The following CELA1 variants were observed in gnomAD, a reference collection of about 807,000 sequenced individuals.
CELA1 encodes chymotrypsin-like elastase family member 1.
In CELA1, 28 loss-of-function variants were observed where a neutral mutation model predicts 34.8. The observed-to-expected ratio is 0.80, with a 90% CI of 0.60 to 1.10. The LOEUF is 1.10. Ranked by LOEUF, CELA1 falls within the 50% of genes least tolerant of loss-of-function variation. The pLI, the probability that CELA1 is intolerant of heterozygous loss-of-function variation, is 0.00. For missense variants in CELA1, 288 were observed against 327.5 expected (o/e 0.88, Z 0.93); for synonymous variants, 140 against 129.8 (o/e 1.08, Z -0.53).
intron 3 of CELA1, among the ~76,000 whole-genome samples, chr12:51,343,440 A>G (rs533993514): frequency 1.3e-5 from 2 of 152,346 alleles, no homozygotes; most frequent in South Asian, 4.1e-4. Context: ...CTAGGCACTT[A>G]CATATTTACT....
chr12:51,338,240 GAA>G (rs1228925679), intron 6 of CELA1, among the ~76,000 whole-genome samples: 2 of 61,884 alleles, frequency 3.2e-5, no homozygotes, highest in South Asian at 4.9e-4. Context: ...TCCATCTCAG[GAA>G]AAAAAAAAAA....
chr12:51,346,194 A>ACC (rs1186931785), intron 1 of CELA1, among the ~76,000 whole-genome samples: 9 of 125,920 alleles, frequency 7.1e-5, no homozygotes, highest in African/African-American at 1.5e-4. Flanking sequence ...GCCTGAAGAG[A>ACC]CCCCCCCCCA....
intron 6 of CELA1, among the ~76,000 whole-genome samples, chr12:51,335,410 C>A (rs1946494735): frequency 1.3e-5 from 2 of 152,102 alleles, no homozygotes; most frequent in South Asian, 4.1e-4. Context: ...GCACGCGCCA[C>A]CATGCCTGGC....
intron 1 of CELA1, 148 bp downstream of exon 1, chr12:51,346,475 G>A (rs1175083268): frequency 2.5e-5 from 18 of 721,148 alleles, no homozygotes; most frequent in Non-Finnish European, 3.8e-5. Flanking sequence ...CAGGCAGAGC[G>A]TCCCACCTGC....
chr12:51,338,216 C>T (rs1305540449), intron 6 of CELA1, among the ~76,000 whole-genome samples: 8 of 142,588 alleles, frequency 5.6e-5, no homozygotes, highest in Admixed American at 4.4e-4. Flanking sequence ...CCAGTCTGGG[C>T]GACAGAGTGA....
intron 6 of CELA1, among the ~76,000 whole-genome samples, chr12:51,338,516 C>G (rs1015209879): frequency 6.6e-6 from 1 of 152,058 alleles, no homozygotes; most frequent in Non-Finnish European, 1.5e-5. Context: ...AATGTCTTTT[C>G]TCCTTTTTGC....
intron 6 of CELA1, 83 bp from the exon 7 acceptor site, chr12:51,329,916 G>A: frequency 1.5e-6 from 2 of 1,348,844 alleles, no homozygotes; most frequent in Non-Finnish European, 2.0e-6. Context: ...CTCTGGTTGT[G>A]AAATTCTGTA....
Position 51,339,849 on chromosome 12 carries a change from C to G in CELA1, c.609+11G>C. On this transcript the variant is annotated intron_variant, in intron 6 of 7. Coordinates refer to ENST00000293636, the MANE Select transcript of CELA1 (RefSeq NM_001971.6). Reference sequence around the variant, plus strand: ...GCGGGACCTGGGGTGGGACCCCCTGCAAATGTTCACCTGGCATCCAGAGCG... The same window carrying G: ...GCGGGACCTGGGGTGGGACCCCCTGGAAATGTTCACCTGGCATCCAGAGCG... The G allele has an allele frequency of 6.2e-7, 1 of 1,600,954 alleles. No homozygotes were observed. The highest frequency in any genetic ancestry group is 8.5e-7 in the Non-Finnish European group (1 of 1,173,500).
chr12:51,344,001 C>T, intron 2 of CELA1, 148 bp from the exon 3 acceptor site: 1 of 614,098 alleles, frequency 1.6e-6, no homozygotes, highest in Non-Finnish European at 2.9e-6. Flanking sequence ...TGGAGACCAG[C>T]CTGGGCAACA....
chr12:51,341,177 G>C, intron 5 of CELA1, 67 bp downstream of exon 5: 1 of 1,569,168 alleles, frequency 6.4e-7, no homozygotes. Context: ...ACAGAAAAAG[G>C]TGTCTTAGAA....
intron 7 of CELA1, among the ~76,000 whole-genome samples, chr12:51,329,282 A>G (rs1396583365): frequency 6.6e-6 from 1 of 151,220 alleles, no homozygotes; most frequent in East Asian, 1.9e-4. Context: ...AAGTTAGAGC[A>G]AATTATCATA....
chr12:51,337,751 A>G (rs1946509037), intron 6 of CELA1, among the ~76,000 whole-genome samples: 1 of 151,008 alleles, frequency 6.6e-6, no homozygotes. Flanking sequence ...TCTACAAAAA[A>G]TACAAAAAAT....
chr12:51,342,751 C>G, intron 3 of CELA1, 51 bp from the exon 4 acceptor site: 1 of 1,582,212 alleles, frequency 6.3e-7, no homozygotes, highest in Non-Finnish European at 8.6e-7. Context: ...CAAACCTTCT[C>G]TACCCCACTT....
chr12:51,328,723 G>C, intron 7 of CELA1, 129 bp from the exon 8 acceptor site: 1 of 968,054 alleles, frequency 1.0e-6, no homozygotes, highest in Non-Finnish European at 1.6e-6. Context: ...TGGGGACAGG[G>C]AGGCAGGAAG....
In CELA1 at chr12:51,343,739, T is replaced by A; in HGVS notation, c.200+14A>T. 6.6e-7 allele frequency: 1 copy of A among 1,509,242 alleles called. No homozygotes were observed. Among genetic ancestry groups the A allele is most frequent in the Non-Finnish European group, 9.2e-7 (1 of 1,085,462 alleles). 93.5% of individuals were successfully genotyped at this position (1,509,242 alleles called of 1,614,324 possible). ...TTCCAGGGGCCCAGGAAAGCTTGTC[T>A]TTGTTTTTCTTACTAATCCACGCAG... On this transcript the variant is annotated intron_variant, in intron 3 of 7. Coordinates refer to ENST00000293636, the MANE Select transcript of CELA1 (RefSeq NM_001971.6).
At chr12:51,330,207 C>T (rs1163659790) in intron 6 of CELA1, among the ~76,000 whole-genome samples, 1 of 152,066 alleles carries the variant, frequency 6.6e-6, no homozygotes, top group Non-Finnish European at 1.5e-5. Flanking sequence ...TAAATTGAAC[C>T]TGGGGTGGCA....
intron 6 of CELA1, among the ~76,000 whole-genome samples, chr12:51,339,210 CA>C (rs1946518111): frequency 6.6e-6 from 1 of 152,094 alleles, no homozygotes. Flanking sequence ...TACAGCATCA[CA>C]ACCACCTGTC....
At position 51,331,017 on chromosome 12, in the gene CELA1, G is replaced by A. The variant is rs111652233; in HGVS notation, c.610-1184C>T. On this transcript the variant is annotated intron_variant, in intron 6 of 7. Transcript: ENST00000293636. ...TTCATCTAATATAAAAATAAAGATTGAAACAAAGAAACAAGGAGCTAAATA... is the reference window on the plus strand; with the variant it reads ...TTCATCTAATATAAAAATAAAGATTAAAACAAAGAAACAAGGAGCTAAATA... Among the ~76,000 whole-genome samples, 546 of 147,732 alleles carry A rather than the reference G, an allele frequency of 3.7e-3. 5 individuals are homozygous for A. Among genetic ancestry groups the A allele is most frequent in the African/African-American group, 0.013 (526 of 40,588 alleles).
Position 51,343,749 on chromosome 12 carries a change from T to C in CELA1, c.200+4A>G. ...CCAGGAAAGCTTGTCTTTGTTTTTC[T>C]TACTAATCCACGCAGTGAGCAGCTG... On this transcript the variant is annotated splice_donor_region_variant and intron_variant, in intron 3 of 7. Transcript: ENST00000293636. The C allele has an allele frequency of 6.4e-7, 1 of 1,556,064 alleles. No homozygotes were observed. The highest frequency in any genetic ancestry group is 8.9e-7 in the Non-Finnish European group (1 of 1,127,720).
Sources: allele counts gnomAD v4.1 joint callset (sites outside exome capture counted in the v4.1 genomes callset), GRCh38; gene constraint gnomAD v4.1.1; transcripts MANE v1.5; gene names NCBI Gene and HGNC (gene_info 2026-07-23, HGNC 2026-07-21).